The following INPP5D variants were observed in gnomAD, a reference collection of about 807,000 sequenced individuals.
INPP5D encodes phosphatidylinositol 3,4,5-trisphosphate 5-phosphatase 1.
Under a neutral mutation model 122.9 loss-of-function variants are expected in INPP5D, and 33 were observed. The ratio of observed to expected loss-of-function variants is 0.27; its 90% confidence interval spans 0.20 to 0.36. The LOEUF is 0.36. Among genes scored for constraint, INPP5D ranks in the 10% least tolerant of loss-of-function variants. The pLI, the probability that INPP5D is intolerant of heterozygous loss-of-function variation, is 1.00. For synonymous variants in INPP5D, 584 were observed against 576.2 expected, an observed-to-expected ratio of 1.01 and a Z score of -0.19; for missense variants, 1,053 against 1,412.7, an observed-to-expected ratio of 0.75 and a Z score of 4.08.
chr2:233,087,941 C>T (rs1270541896), intron 2 of INPP5D, among the ~76,000 whole-genome samples: 1 of 152,122 alleles, frequency 6.6e-6, no homozygotes, highest in African/African-American at 2.4e-5. Context: ...TAGCTCCCTC[C>T]AAAGTGGATC....
At chr2:233,181,733 C>T (rs1383463975) in intron 18 of INPP5D, among the ~76,000 whole-genome samples, 3 of 152,086 alleles carry the variant, frequency 2.0e-5, no homozygotes, top group South Asian at 4.1e-4. Flanking sequence ...AAAGGTGTCC[C>T]GTCTCTCCCA....
chr2:233,164,202 G>A lies in INPP5D; in HGVS notation c.1438-105G>A. 6.9e-7 allele frequency: 1 copy of A among 1,459,206 alleles called. No homozygotes were observed. The highest frequency in any genetic ancestry group is 2.5e-4 in the Middle Eastern group (1 of 3,994). The allele number at this position is 1,459,206 out of a possible 1,614,324, so 90.4% of individuals were successfully genotyped here. ...CCCGAAGGGTTGGGATTACAGACAG[G>A]ATACCCCATACCCAGGGGCTGCGGC... On this transcript the variant is annotated intron_variant, in intron 12 of 26. Coordinates refer to ENST00000445964, the MANE Select transcript of INPP5D (RefSeq NM_001017915.3). This position sits in a 1 kb window ranked among gnomAD's most constrained non-coding sequence, Gnocchi z 4.3.
Position 233,189,839 on chromosome 2 carries a change from T to G in INPP5D, c.2359-11T>G. On this transcript the variant is annotated splice_polypyrimidine_tract_variant and intron_variant, in intron 21 of 26. Coordinates refer to ENST00000445964, the MANE Select transcript of INPP5D (RefSeq NM_001017915.3). This position sits in a 1 kb window ranked among gnomAD's most constrained non-coding sequence, Gnocchi z 5.6. ...CCCATCAACTCCAGTCCTGTGCCCT[T>G]CTCTCTGCAGCTGAAGCCCATTATC... 1 of 1,612,610 alleles carries G rather than the reference T, an allele frequency of 6.2e-7. No homozygotes were observed. Among genetic ancestry groups the G allele is most frequent in the Non-Finnish European group, 8.5e-7 (1 of 1,179,172 alleles).
intron 1 of INPP5D, among the ~76,000 whole-genome samples, chr2:233,066,419 A>C (rs1691228424): frequency 6.6e-6 from 1 of 152,172 alleles, no homozygotes; most frequent in African/African-American, 2.4e-5. Context: ...TGCACTCCTG[A>C]GGAGCAAGGC....
intron 19 of INPP5D, among the ~76,000 whole-genome samples, chr2:233,184,038 T>C (rs1045071083): frequency 2.0e-5 from 3 of 152,166 alleles, no homozygotes; most frequent in African/African-American, 7.2e-5. Context: ...AGAAACAGCA[T>C]TGATCTGGGT....
chr2:233,130,719 A>T, intron 5 of INPP5D, 71 bp downstream of exon 5: 2 of 1,518,730 alleles, frequency 1.3e-6, no homozygotes, highest in Non-Finnish European at 1.8e-6. Flanking sequence ...CATGAGAGCG[A>T]CCTCTGCCTC....
Position 233,160,211 on chromosome 2 carries a change from G to C in INPP5D, c.1138-1513G>C, listed in dbSNP as rs974061556. Reference sequence around the variant, plus strand: ...ACTTACTGAGATTTGCAATTATAAGGTTGAATCATGTAAAATTTCTGTCTT... The same window carrying C: ...ACTTACTGAGATTTGCAATTATAAGCTTGAATCATGTAAAATTTCTGTCTT... On this transcript the variant is annotated intron_variant, in intron 10 of 26. Transcript: ENST00000445964. This position sits in a 1 kb window ranked among gnomAD's most constrained non-coding sequence, Gnocchi z 4.2. Among the ~76,000 whole-genome samples the C allele has an allele frequency of 1.3e-5, 2 of 152,186 alleles. No individual in the cohort carries two copies. The highest frequency in any genetic ancestry group is 6.5e-5 in the Admixed American group (1 of 15,282).
chr2:233,191,869 A>T (rs1695067006), intron 22 of INPP5D, among the ~76,000 whole-genome samples: 1 of 152,202 alleles, frequency 6.6e-6, no homozygotes, highest in Non-Finnish European at 1.5e-5. Flanking sequence ...AAAGAGGAAG[A>T]GGCTGCAGAC....
chr2:233,204,895 G>C, intron 26 of INPP5D, 178 bp downstream of exon 26: 1 of 1,081,108 alleles, frequency 9.2e-7, no homozygotes, highest in Non-Finnish European at 1.2e-6. Flanking sequence ...ACTGCTCCAT[G>C]AGAAGGGAGA....
chr2:233,083,123 A>G (rs968573897), intron 2 of INPP5D, among the ~76,000 whole-genome samples: 1 of 152,230 alleles, frequency 6.6e-6, no homozygotes, highest in African/African-American at 2.4e-5. Context: ...GTTCAAGTCC[A>G]ATTTGGTCAG....
chr2:233,094,512 C>CAGAAAAAA (rs1692079020), intron 2 of INPP5D, among the ~76,000 whole-genome samples: 1 of 34,964 alleles, frequency 2.9e-5, no homozygotes, highest in African/African-American at 1.2e-4. Flanking sequence ...GACTCCATCC[C>CAGAAAAAA]AAAAAAAAAA....
At chr2:233,178,133 A>G (rs1694693451) in intron 18 of INPP5D, among the ~76,000 whole-genome samples, 1 of 152,190 alleles carries the variant, frequency 6.6e-6, no homozygotes, top group South Asian at 2.1e-4. Flanking sequence ...TATCAAAACA[A>G]TTAAGAAATA....
chr2:233,198,135 A>G lies in INPP5D; in HGVS notation c.2734A>G (p.Asn912Asp). ...TGGCTCCAGCATCACTGAAATCATC[A>G]ACCCCAACTACATGGGAGTGGGGCC... ...CSGSSITEII[N>D]PNYMGVGPFG... The change falls in exon 25 of 27, where the codon AAC becomes GAC. Residue 912 changes from asparagine to aspartate, a missense_variant. This residue lies in a region of INPP5D where 417 missense variants were observed against 425.8 expected (regional missense o/e 0.98). Coordinates refer to ENST00000445964, the MANE Select transcript of INPP5D (RefSeq NM_001017915.3). The G allele has an allele frequency of 1.2e-6, 2 of 1,612,548 alleles. No individual in the cohort carries two copies. The highest frequency in any genetic ancestry group is 1.7e-6 in the Non-Finnish European group (2 of 1,179,446).
Position 233,060,450 on chromosome 2 carries a change from C to A in INPP5D, c.-29C>A, listed in dbSNP as rs549445538. 1 of 1,570,166 alleles carries A rather than the reference C, an allele frequency of 6.4e-7. No homozygotes were observed. On this transcript the variant is annotated 5_prime_UTR_variant, in exon 1 of 27. Coordinates refer to ENST00000445964, the MANE Select transcript of INPP5D (RefSeq NM_001017915.3). ...GTGTGTGGGTCCTGGGGGTGCCTGC[C>A]GGCCCGGCCGAGGAGGCCCACGCCC...
chr2:233,196,811 C>G (rs1695195844), intron 24 of INPP5D, among the ~76,000 whole-genome samples: 1 of 152,116 alleles, frequency 6.6e-6, no homozygotes, highest in Non-Finnish European at 1.5e-5. Context: ...CCTCCCTTCC[C>G]CACAACTCAT....
chr2:233,202,850 G>T (rs1437090251), intron 25 of INPP5D, among the ~76,000 whole-genome samples: 1 of 152,166 alleles, frequency 6.6e-6, no homozygotes, highest in Non-Finnish European at 1.5e-5. Context: ...TGCCTACTTT[G>T]GGTCACAACA....
rs773128428 is a variant in INPP5D at position 233,079,377 on chromosome 2, A to G, written c.177A>G (p.Glu59=). 2.5e-6 allele frequency: 4 copies of G among 1,604,698 alleles called. No individual in the cohort carries two copies. In the Admixed American group the frequency reaches 6.7e-5, roughly 27 times the overall value. ...CVYTYRILPN[E]DDKFTVQASE... is the part of the protein sequence containing the mutation. ...ACACTTACAGAATTCTGCCCAATGAAGATGATAAATTCACTGTTCAGGTGA... is the reference window on the plus strand; with the variant it reads ...ACACTTACAGAATTCTGCCCAATGAGGATGATAAATTCACTGTTCAGGTGA... The change falls in exon 2 of 27, where the codon GAA becomes GAG. Residue 59 remains glutamate, a synonymous_variant. Transcript: ENST00000445964.
At chr2:233,137,183 C>T (rs929695967) in intron 5 of INPP5D, among the ~76,000 whole-genome samples, 22 of 151,722 alleles carry the variant, frequency 1.5e-4, no homozygotes, top group African/African-American at 4.8e-4. Flanking sequence ...TCAGTAACAT[C>T]CCAGCAAATA....
In INPP5D at chr2:233,193,852, G is replaced by T; in HGVS notation, c.2487G>T (p.Thr829=). ...CIALRLEATE[T]QLPIYTPLTH... ...CCCTTCGGTTAGAGGCCACAGAAAC[G>T]CAGCTGCCCATCTACACGCCTCTCA... The change falls in exon 23 of 27, where the codon ACG becomes ACT. Residue 829 remains threonine, a synonymous_variant. Transcript: ENST00000445964. 1 of 1,613,906 alleles carries T rather than the reference G, an allele frequency of 6.2e-7. No homozygotes were observed.
Sources: gnomAD v4.1 joint callset for allele counts (sites outside exome capture counted in the v4.1 genomes callset) on GRCh38, gnomAD v4.1.1 for gene constraint, gnomAD v4.1.1 regional missense constraint, Gnocchi (gnomAD v3.1) non-coding constraint, MANE v1.5 for transcripts, NCBI Gene and HGNC (gene_info 2026-07-23, HGNC 2026-07-21) for gene names.